Variants in AMPD2 observed in about 807,000 individuals in gnomAD.
AMPD2 encodes the protein AMP deaminase 2.
In AMPD2, 52 loss-of-function variants were observed where a neutral mutation model predicts 91.3. The observed-to-expected ratio is 0.57, with a 90% CI of 0.46 to 0.72. The LOEUF is 0.72. Among genes scored for constraint, AMPD2 ranks in the 30% least tolerant of loss-of-function variants. The pLI, the probability that AMPD2 is intolerant of heterozygous loss-of-function variation, is 0.00. For synonymous variants in AMPD2, 455 were observed against 456.4 expected, an observed-to-expected ratio of 1.00 and a Z score of 0.04; for missense variants, 822 against 1,122.3, an observed-to-expected ratio of 0.73 and a Z score of 3.82.
chr1:109,625,220 G>A lies in AMPD2; in HGVS notation c.92-83G>A. The A allele has an allele frequency of 6.4e-7, 1 of 1,551,778 alleles. No homozygotes were observed. Among genetic ancestry groups the A allele is most frequent in the East Asian group, 2.3e-5 (1 of 44,178 alleles). On this transcript the variant is annotated intron_variant, in intron 2 of 18. Transcript: ENST00000528667. The surrounding 1 kb of genome is among the most constrained non-coding windows in gnomAD (Gnocchi z 4.0). ...CTTTCCCGACCCTGGGCTCTCTCGG[G>A]AGCTGGCCTAGGCAGGGCAGGGGCC...
intron 17 of AMPD2, 79 bp downstream of exon 17, chr1:109,630,485 G>T (rs1282040519): frequency 1.3e-5 from 16 of 1,252,560 alleles, no homozygotes; most frequent in Admixed American, 4.0e-5. Context: ...GGGCGGTGGG[G>T]GGGGCGGTCT....
At position 109,624,092 on chromosome 1, in the gene AMPD2, A is replaced by G; in HGVS notation, c.92-1211A>G. On this transcript the variant is annotated intron_variant, in intron 2 of 18. Transcript: ENST00000528667. The surrounding 1 kb of genome is among the most constrained non-coding windows in gnomAD (Gnocchi z 5.2). The stretch of plus-strand genomic sequence containing the variant: ...CCGGAGCTGCCTGCACTCTGCAGGT[A>G]GGGTTCAGGCAGGGGCCGGGGTGCG... The G allele has an allele frequency of 2.0e-6, 2 of 985,708 alleles. No homozygotes were observed. The highest frequency in any genetic ancestry group is 2.4e-6 in the Non-Finnish European group (2 of 830,154). The allele number at this position is 985,708 out of a possible 1,614,324, so 61.1% of individuals were successfully genotyped here. A position where few individuals can be genotyped will look rare whatever the true frequency, so the allele number is the denominator to read the frequency against.
Position 109,625,388 on chromosome 1 carries a change from C to G in AMPD2, c.177C>G (p.Leu59=). ...GPAPCLKHFP[L]DLRTSMDGKC... is the part of the protein sequence containing the mutation. Reference sequence around the variant, plus strand: ...CCCCCTGCCTCAAGCACTTCCCGCTCGACCTGCGCACGTCTATGGATGGCA... The same window carrying G: ...CCCCCTGCCTCAAGCACTTCCCGCTGGACCTGCGCACGTCTATGGATGGCA... Residue 59 remains leucine (L), a synonymous_variant, in exon 3 of 19, where the codon CTC becomes CTG. Transcript: ENST00000528667. The surrounding 1 kb of genome is among the most constrained non-coding windows in gnomAD (Gnocchi z 4.0). 10 of 1,613,974 alleles carry G rather than the reference C, an allele frequency of 6.2e-6. No individual in the cohort carries two copies. Among genetic ancestry groups the G allele is most frequent in the African/African-American group, 1.3e-5 (1 of 75,042 alleles).
chr1:109,629,210 C>T lies in AMPD2; in HGVS notation c.1673C>T (p.Pro558Leu), dbSNP rs780742359. The change falls in exon 14 of 19, where the codon CCG becomes CTG. Residue 558 changes from proline (P) to leucine (L), a missense_variant. Physicochemically the swap from Pro to Leu is moderately conservative, Grantham distance 98 (BLOSUM62 -3). Around this residue, in one of 5 missense-constraint regions of AMPD2, gnomAD observed 430 missense variants for 606.0 expected, o/e 0.71. Coordinates refer to ENST00000528667, the MANE Select transcript of AMPD2 (RefSeq NM_001368809.2). ...FEATVHPASH[P>L]ELHLFLEHVD... ...GCCACTGTGCACCCTGCCAGCCACCCGGAACTGCATCTCTTCTTAGAGCAC... is the reference window on the plus strand; with the variant it reads ...GCCACTGTGCACCCTGCCAGCCACCTGGAACTGCATCTCTTCTTAGAGCAC... 41 of 1,614,162 alleles carry T rather than the reference C, an allele frequency of 2.5e-5. No homozygotes were observed. The highest frequency in any genetic ancestry group is 3.1e-5 in the Non-Finnish European group (37 of 1,180,028).
Position 109,621,275 on chromosome 1 carries a change from G to T in AMPD2, c.91+9G>T. On this transcript the variant is annotated intron_variant, in intron 2 of 18. Transcript: ENST00000528667. Reference sequence around the variant, plus strand: ...CTCCACTGCAGCTCCAGGTGAGTGTGTGCTTCCTGGCCTCAGGATAGATGC... The same window carrying T: ...CTCCACTGCAGCTCCAGGTGAGTGTTTGCTTCCTGGCCTCAGGATAGATGC... 6.2e-7 allele frequency: 1 copy of T among 1,611,996 alleles called. No homozygotes were observed. The highest frequency in any genetic ancestry group is 1.1e-5 in the South Asian group (1 of 90,474).
At position 109,620,995 on chromosome 1, in the gene AMPD2, C is replaced by T; in HGVS notation, c.-181C>T. ...GGGGCAGAGATGGAGGCCCCACTCC[C>T]CGAGGTTGCCTAGACAACATGAGAA... On this transcript the variant is annotated 5_prime_UTR_variant, in exon 2 of 19. Transcript: ENST00000528667. The T allele has an allele frequency of 1.3e-6, 2 of 1,561,274 alleles. No individual in the cohort carries two copies. Among genetic ancestry groups the T allele is most frequent in the South Asian group, 1.2e-5 (1 of 82,816 alleles).
chr1:109,627,556 C>A lies in AMPD2; in HGVS notation c.950+38C>A, dbSNP rs764479114. ...CCATCCCAGACACTTAGCTCCCCTC[C>A]CAGCCCAGATTCTCCAGCCCCAGTT... On this transcript the variant is annotated intron_variant, in intron 9 of 18. Coordinates refer to ENST00000528667, the MANE Select transcript of AMPD2 (RefSeq NM_001368809.2). 9 of 1,609,106 alleles carry A rather than the reference C, an allele frequency of 5.6e-6. No homozygotes were observed. The Admixed American group carries it at 1.5e-4, about 27-fold the overall frequency.
Position 109,628,490 on chromosome 1 carries a change from A to G in AMPD2, c.1402A>G (p.Ile468Val), listed in dbSNP as rs201254826. 13 of 1,612,308 alleles carry G rather than the reference A, an allele frequency of 8.1e-6. No individual in the cohort carries two copies. The highest frequency in any genetic ancestry group is 1.0e-5 in the Non-Finnish European group (12 of 1,179,980). ...ATCTGGGAAGTACTTTGCTCACATC[A>G]TCAAGGTAAGGAGGCAGCCTTCCCT... is the stretch of plus-strand genomic sequence containing the variant. ...RVSGKYFAHI[I>V]KEVMSDLEES... Residue 468 changes from isoleucine to valine, a missense_variant, in exon 12 of 19, where the codon ATC becomes GTC. Coordinates refer to ENST00000528667, the MANE Select transcript of AMPD2 (RefSeq NM_001368809.2). This position sits in a 1 kb window ranked among gnomAD's most constrained non-coding sequence, Gnocchi z 7.1.
chr1:109,630,633 A>C, intron 17 of AMPD2, 50 bp from the exon 18 acceptor site: 1 of 1,516,818 alleles, frequency 6.6e-7, no homozygotes, highest in Non-Finnish European at 9.0e-7. Context: ...GAAGGGAGGC[A>C]GGGGCAGCTG....
intron 6 of AMPD2, 130 bp downstream of exon 6, chr1:109,626,557 A>T (rs1650704844): frequency 1.5e-6 from 2 of 1,295,574 alleles, no homozygotes; most frequent in Admixed American, 2.5e-5. Flanking sequence ...GCGGAGGGGC[A>T]GAGGGGCTGC....
rs141792341 is a variant in AMPD2, at chr1:109,621,202, C to A, written c.27C>A (p.Gly9=). ...TGGCATCCTATCCATCTGGCTCTGGCAAGCCCAAGGCCAAATATCCCTTTA... is the reference window on the plus strand; with the variant it reads ...TGGCATCCTATCCATCTGGCTCTGGAAAGCCCAAGGCCAAATATCCCTTTA... MASYPSGS[G]KPKAKYPFKK... Residue 9 remains glycine, a synonymous_variant, in exon 2 of 19, where the codon GGC becomes GGA. Coordinates refer to ENST00000528667, the MANE Select transcript of AMPD2 (RefSeq NM_001368809.2). 113 of 1,608,882 alleles carry A rather than the reference C, an allele frequency of 7.0e-5. 1 individual carries two copies. Among genetic ancestry groups the A allele is most frequent in the South Asian group, 2.2e-5 (2 of 90,092 alleles).
Position 109,631,557 on chromosome 1 carries a change from C to G in AMPD2, c.*405C>G. 2 of 287,430 alleles carry G rather than the reference C, an allele frequency of 7.0e-6. No individual in the cohort carries two copies. Among genetic ancestry groups the G allele is most frequent in the Non-Finnish European group, 6.8e-6 (1 of 147,932 alleles). 17.8% of individuals were successfully genotyped at this position (287,430 alleles called of 1,614,324 possible). ...CCGAAGTTTAGGCCCCTGTCTTGTT[C>G]ATGTAGCCGAGGGGCAGGCGGGGGA... On this transcript the variant is annotated 3_prime_UTR_variant, in exon 19 of 19. Coordinates refer to ENST00000528667, the MANE Select transcript of AMPD2 (RefSeq NM_001368809.2).
chr1:109,622,545 G>T (rs1015489587), intron 2 of AMPD2, among the ~76,000 whole-genome samples: 2 of 152,314 alleles, frequency 1.3e-5, no homozygotes, highest in Middle Eastern at 3.4e-3. Flanking sequence ...GTGGGTGTAT[G>T]TGTGTGGTGC....
rs1256462234 is a variant in AMPD2 at position 109,619,944 on chromosome 1, G to A, written c.-597G>A. On this transcript the variant is annotated 5_prime_UTR_variant, in exon 1 of 19. Coordinates refer to ENST00000528667, the MANE Select transcript of AMPD2 (RefSeq NM_001368809.2). ...GGGAGTCCGACCCTGAATGCCCAGG[G>A]AGTGTTGAGAGAAATCTGGACGAGT... is the stretch of plus-strand genomic sequence containing the variant. 4.9e-6 allele frequency: 2 copies of A among 407,868 alleles called. No individual in the cohort carries two copies. Among genetic ancestry groups the A allele is most frequent in the East Asian group, 6.0e-5 (1 of 16,666 alleles). 25.3% of individuals were successfully genotyped at this position (407,868 alleles called of 1,614,324 possible).
chr1:109,621,080 C>G lies in AMPD2; in HGVS notation c.-96C>G. 1 of 1,610,114 alleles carries G rather than the reference C, an allele frequency of 6.2e-7. No individual in the cohort carries two copies. Among genetic ancestry groups the G allele is most frequent in the Non-Finnish European group, 8.5e-7 (1 of 1,178,838 alleles). On this transcript the variant is annotated 5_prime_UTR_variant, in exon 2 of 19. Transcript: ENST00000528667. ...CTGCTTCCTGCATCAGTCACTCCCGCTGGGGGCGGGGCGGAGGAAGGGGTT... is the reference window on the plus strand; with the variant it reads ...CTGCTTCCTGCATCAGTCACTCCCGGTGGGGGCGGGGCGGAGGAAGGGGTT...
Position 109,629,437 on chromosome 1 carries a change from C to T in AMPD2, c.1809C>T (p.Ala603=), listed in dbSNP as rs1294554736. ...AWVEEDNPPY[A]YYLYYTFANM... is the part of the protein sequence containing the mutation. The stretch of plus-strand genomic sequence containing the variant: ...TGGAGGAGGACAACCCACCCTATGC[C>T]TACTACCTGTACTACACCTTTGCCA... The change falls in exon 15 of 19, where the codon GCC becomes GCT. Residue 603 remains alanine, a synonymous_variant. Coordinates refer to ENST00000528667, the MANE Select transcript of AMPD2 (RefSeq NM_001368809.2). The T allele has an allele frequency of 6.2e-7, 1 of 1,613,978 alleles. No individual in the cohort carries two copies. The highest frequency in any genetic ancestry group is 8.5e-7 in the Non-Finnish European group (1 of 1,180,018).
chr1:109,629,242 A>C lies in AMPD2; in HGVS notation c.1698+7A>C. ...GCATCTCTTCTTAGAGCACGTGAGC[A>C]GGCAGCGCAGAGCTGGGTATGGGGA... On this transcript the variant is annotated splice_region_variant and intron_variant, in intron 14 of 18. Transcript: ENST00000528667. The C allele has an allele frequency of 3.7e-6, 6 of 1,614,156 alleles. No homozygotes were observed. The highest frequency in any genetic ancestry group is 5.1e-6 in the Non-Finnish European group (6 of 1,180,038).
intron 2 of AMPD2, among the ~76,000 whole-genome samples, chr1:109,623,520 G>C (rs953589890): frequency 3.3e-5 from 5 of 152,140 alleles, no homozygotes; most frequent in Non-Finnish European, 2.9e-5. Flanking sequence ...CATTTCCCCA[G>C]CTGCCAGCCA....
At position 109,628,461 on chromosome 1, in the gene AMPD2, G is replaced by A; in HGVS notation, c.1373G>A (p.Arg458Lys). 6.2e-7 allele frequency: 1 copy of A among 1,613,246 alleles called. No homozygotes were observed. The highest frequency in any genetic ancestry group is 8.5e-7 in the Non-Finnish European group (1 of 1,180,018). ...LREIFIKTDN[R>K]VSGKYFAHII... is the part of the protein sequence containing the mutation. ...GAGATCTTCATCAAGACGGACAACA[G>A]GGTATCTGGGAAGTACTTTGCTCAC... Residue 458 changes from arginine (R) to lysine (K), a missense_variant, in exon 12 of 19, where the codon AGG becomes AAG. Coordinates refer to ENST00000528667, the MANE Select transcript of AMPD2 (RefSeq NM_001368809.2). The surrounding 1 kb of genome is among the most constrained non-coding windows in gnomAD (Gnocchi z 7.1).
Sources: gnomAD v4.1 joint callset for allele counts (sites outside exome capture counted in the v4.1 genomes callset) on GRCh38, gnomAD v4.1.1 for gene constraint, gnomAD v4.1.1 regional missense constraint, Gnocchi (gnomAD v3.1) non-coding constraint, MANE v1.5 for transcripts, NCBI Gene and HGNC (gene_info 2026-07-23, HGNC 2026-07-21) for gene names.